SHISA9: variants seen among roughly 807,000 people sequenced by gnomAD.
The protein encoded by SHISA9 is protein shisa-9.
A neutral mutation model predicts 38.0 loss-of-function variants in SHISA9; 13 were observed. That is an observed-to-expected ratio of 0.34 (90% CI 0.22 to 0.54). SHISA9 has a LOEUF of 0.54. SHISA9 is among the 20% of genes least tolerant of loss of function. The probability of loss-of-function intolerance (pLI) is 0.91; values close to 1 mark genes in which losing one functional copy is unlikely to be tolerated. For missense variants in SHISA9, 538 were observed against 575.8 expected (o/e 0.93, Z 0.67); for synonymous variants, 275 against 242.0 (o/e 1.14, Z -1.27).
At chr16:13,514,024 A>G in the SHISA9 span, among the ~76,000 whole-genome samples, 2 of 152,070 alleles carry the variant, frequency 1.3e-5, no homozygotes, top group Non-Finnish European at 2.9e-5. Flanking sequence ...TAACAAAGTC[A>G]TGCTCTGTCA....
At chr16:13,517,950 G>C in the SHISA9 span, among the ~76,000 whole-genome samples, 64 of 152,322 alleles carry the variant, frequency 4.2e-4, no homozygotes, top group African/African-American at 1.3e-3. Flanking sequence ...ACCATTTACA[G>C]AATCCCTGCT....
the SHISA9 span, among the ~76,000 whole-genome samples, chr16:13,495,356 A>G: frequency 1.4e-4 from 21 of 152,182 alleles, no homozygotes; most frequent in Admixed American, 2.6e-4. Flanking sequence ...TGAAATAGAC[A>G]TTAAACTCTA....
the SHISA9 span, among the ~76,000 whole-genome samples, chr16:13,281,917 A>C: frequency 6.6e-6 from 1 of 151,602 alleles, no homozygotes; most frequent in Non-Finnish European, 1.5e-5. Context: ...TGCTTTATAT[A>C]CTTGTTTTAT....
rs771256779 is a variant in SHISA9 at position 13,213,300 on chromosome 16, G to T, written c.895G>T (p.Ala299Ser). ...WAVSTLKSPK[A>S]DKVNDDFYTK... Reference sequence around the variant, plus strand: ...AGTATCGACACTTAAGTCACCAAAAGGTACTGTACAGCTTTTTCTAGCTCT... The same window carrying T: ...AGTATCGACACTTAAGTCACCAAAATGTACTGTACAGCTTTTTCTAGCTCT... Residue 299 changes from alanine (A) to serine (S), a missense_variant and splice_region_variant, in exon 4 of 5, where the codon GCT (alanine) becomes TCT (serine). Transcript: ENST00000558583. 19 of 1,551,660 alleles carry T rather than the reference G, an allele frequency of 1.2e-5. No individual in the cohort carries two copies. Among genetic ancestry groups the T allele is most frequent in the Non-Finnish European group, 1.4e-5 (16 of 1,146,944 alleles).
intron 2 of SHISA9, among the ~76,000 whole-genome samples, chr16:13,193,552 G>C (rs2050907774): frequency 2.6e-5 from 4 of 152,116 alleles, no homozygotes; most frequent in African/African-American, 9.7e-5. Flanking sequence ...CTCCATGTTG[G>C]TCAGGCTGGT....
At chr16:13,000,233 G>A (rs2072506991) in intron 2 of SHISA9, among the ~76,000 whole-genome samples, 1 of 151,606 alleles carries the variant, frequency 6.6e-6, no homozygotes, top group South Asian at 2.1e-4. Flanking sequence ...CAATTCTCTG[G>A]GCCTGATTTC....
intron 2 of SHISA9, among the ~76,000 whole-genome samples, chr16:13,040,966 G>T (rs2073125842): frequency 6.6e-6 from 1 of 152,166 alleles, no homozygotes; most frequent in Admixed American, 6.5e-5. Context: ...CCCCCAACCT[G>T]GAAACGTGTG....
At chr16:13,309,763 A>G in the SHISA9 span, among the ~76,000 whole-genome samples, 1 of 152,092 alleles carries the variant, frequency 6.6e-6, no homozygotes, top group African/African-American at 2.4e-5. Flanking sequence ...CTAAGATTCT[A>G]GATAATGGGT....
intron 2 of SHISA9, among the ~76,000 whole-genome samples, chr16:13,009,479 C>G (rs1238888401): frequency 6.6e-6 from 1 of 152,262 alleles, no homozygotes; most frequent in African/African-American, 2.4e-5. Flanking sequence ...ATTTCCTCCT[C>G]CATTTTCCCT....
intron 2 of SHISA9, among the ~76,000 whole-genome samples, chr16:13,031,192 C>G (rs1044680198): frequency 1.3e-5 from 2 of 152,172 alleles, no homozygotes; most frequent in South Asian, 4.1e-4. Context: ...ATTTTAACCC[C>G]TCTTCTGCCT....
the SHISA9 span, chr16:13,258,206 T>A: frequency 6.6e-6 from 1 of 152,224 alleles, no homozygotes; most frequent in Non-Finnish European, 1.5e-5. Context: ...GTAAAGCAGA[T>A]TCTGAATAAA....
intron 2 of SHISA9, among the ~76,000 whole-genome samples, chr16:13,071,822 T>G (rs894214729): frequency 6.6e-6 from 1 of 151,862 alleles, no homozygotes; most frequent in Admixed American, 6.6e-5. Context: ...TTTTTTAATT[T>G]TTATGGAGAG....
chr16:13,487,622 C>T, the SHISA9 span, among the ~76,000 whole-genome samples: 3 of 152,198 alleles, frequency 2.0e-5, no homozygotes, highest in Non-Finnish European at 4.4e-5. Flanking sequence ...GATTATAATT[C>T]AACATGAGAT....
At chr16:13,045,811 G>A (rs1323242719) in intron 2 of SHISA9, among the ~76,000 whole-genome samples, 1 of 152,076 alleles carries the variant, frequency 6.6e-6, no homozygotes, top group Non-Finnish European at 1.5e-5. Context: ...GAAGGCTTTT[G>A]TCCTTCTCCA....
chr16:13,036,875 A>C (rs763831096), intron 2 of SHISA9, among the ~76,000 whole-genome samples: 1 of 152,122 alleles, frequency 6.6e-6, no homozygotes, highest in Admixed American at 6.6e-5. Flanking sequence ...CAGCTCAAAA[A>C]ACCCTTTAAT....
At chr16:13,031,341 A>G (rs1319971127) in intron 2 of SHISA9, among the ~76,000 whole-genome samples, 3 of 152,158 alleles carry the variant, frequency 2.0e-5, no homozygotes, top group Admixed American at 1.3e-4. Flanking sequence ...TGCCTTGACA[A>G]TAGTGTATTC....
At chr16:12,953,566 C>G (rs1445980343) in intron 2 of SHISA9, among the ~76,000 whole-genome samples, 1 of 152,118 alleles carries the variant, frequency 6.6e-6, no homozygotes, top group Non-Finnish European at 1.5e-5. Flanking sequence ...CCTAGAGCAC[C>G]CAATGAGCAT....
chr16:13,425,856 C>T, the SHISA9 span, among the ~76,000 whole-genome samples: 1 of 152,160 alleles, frequency 6.6e-6, no homozygotes, highest in Admixed American at 6.5e-5. Flanking sequence ...CCCCAAGCCA[C>T]AGGAAGACCC....
At chr16:13,250,733 C>A in the SHISA9 span, among the ~76,000 whole-genome samples, 3 of 151,838 alleles carry the variant, frequency 2.0e-5, no homozygotes, top group Non-Finnish European at 4.4e-5. Context: ...TGAGAAAGAT[C>A]TATATTTGGG....
Sources: allele counts gnomAD v4.1 joint callset (sites outside exome capture counted in the v4.1 genomes callset), GRCh38; gene constraint gnomAD v4.1.1; transcripts MANE v1.5; gene names NCBI Gene and HGNC (gene_info 2026-07-23, HGNC 2026-07-21).